DLC1: variants seen among roughly 807,000 people sequenced by gnomAD.
DLC1 encodes the protein rho GTPase-activating protein 7.
In DLC1, 54 loss-of-function variants were observed where a neutral mutation model predicts 140.3. The observed-to-expected ratio is 0.38, with a 90% CI of 0.31 to 0.48. DLC1 has a LOEUF of 0.48. Among genes scored for constraint, DLC1 ranks in the 20% least tolerant of loss-of-function variants. The pLI, the probability that DLC1 is intolerant of heterozygous loss-of-function variation, is 0.96. For synonymous variants in DLC1, 986 were observed against 728.1 expected (o/e 1.35, Z -5.70); for missense variants, 2,536 against 1,907.0 (o/e 1.33, Z -6.14).
intron 6 of DLC1, among the ~76,000 whole-genome samples, chr8:13,113,250 A>T (rs1406566055): frequency 1.3e-5 from 2 of 152,230 alleles, no homozygotes; most frequent in Non-Finnish European, 2.9e-5. Context: ...CAGGAAGTAT[A>T]AATTGCCAAG....
chr8:13,164,968 T>G (rs533483996), intron 5 of DLC1, among the ~76,000 whole-genome samples: 1 of 152,308 alleles, frequency 6.6e-6, no homozygotes, highest in East Asian at 1.9e-4. Flanking sequence ...TGAAGTACCT[T>G]TGTAGCCCCG....
At chr8:13,225,969 G>C (rs1457657790) in intron 5 of DLC1, among the ~76,000 whole-genome samples, 1 of 152,102 alleles carries the variant, frequency 6.6e-6, no homozygotes. Context: ...CTGGACTGCA[G>C]TGGTGCAATC....
chr8:13,376,907 C>A (rs1263089059), intron 4 of DLC1, among the ~76,000 whole-genome samples: 1 of 151,988 alleles, frequency 6.6e-6, no homozygotes, highest in Non-Finnish European at 1.5e-5. Context: ...GATTTCATGG[C>A]TATATGGTAT....
At chr8:13,176,986 G>A (rs887221280) in intron 5 of DLC1, among the ~76,000 whole-genome samples, 1 of 152,162 alleles carries the variant, frequency 6.6e-6, no homozygotes, top group Non-Finnish European at 1.5e-5. Context: ...CTCTCCTAGA[G>A]CCTCCAGGAA....
At chr8:13,404,172 T>A (rs1476222848) in intron 2 of DLC1, among the ~76,000 whole-genome samples, 1 of 152,084 alleles carries the variant, frequency 6.6e-6, no homozygotes, top group Non-Finnish European at 1.5e-5. Flanking sequence ...AAAGGCACTG[T>A]TTGGGGAGCA....
intron 5 of DLC1, among the ~76,000 whole-genome samples, chr8:13,128,597 C>T (rs185805817): frequency 6.6e-6 from 1 of 152,300 alleles, no homozygotes; most frequent in South Asian, 2.1e-4. Context: ...CTTTGGGAGG[C>T]CGAGGCGGGC....
chr8:13,523,539 T>C (rs1277353316), intron 1 of DLC1, among the ~76,000 whole-genome samples: 8 of 152,120 alleles, frequency 5.3e-5, no homozygotes, highest in African/African-American at 2.4e-5. Context: ...ACAAATACAT[T>C]TGGGAATCTC....
chr8:13,091,224 G>T (rs1563568958), intron 14 of DLC1, 94 bp downstream of exon 14: 7 of 1,167,266 alleles, frequency 6.0e-6, no homozygotes, highest in East Asian at 4.7e-5. Flanking sequence ...TGTGGAAAAG[G>T]TCTTCAGGTA....
intron 1 of DLC1, among the ~76,000 whole-genome samples, chr8:13,594,617 T>G (rs1563464356): frequency 6.6e-6 from 1 of 152,126 alleles, no homozygotes; most frequent in African/African-American, 2.4e-5. Context: ...CTTTTCCTCC[T>G]AAACTTCTTG....
At position 13,480,551 on chromosome 8, in the gene DLC1, T is replaced by A. The variant is rs1800682809; in HGVS notation, c.1023+18498A>T. Among the ~76,000 whole-genome samples, 3 of 152,304 alleles carry A rather than the reference T, an allele frequency of 2.0e-5. No homozygotes were observed. The East Asian group carries it at 5.8e-4, about 29-fold the overall frequency. ...CTATGGTCTTTGAATCTTTATCCTA[T>A]AGGTGAAGCACAGAATGATAATAGT... is the stretch of plus-strand genomic sequence containing the variant. On this transcript the variant is annotated intron_variant, in intron 2 of 17. Coordinates refer to ENST00000276297, the MANE Select transcript of DLC1 (RefSeq NM_182643.3).
At chr8:13,434,425 C>T (rs1174654259) in intron 2 of DLC1, among the ~76,000 whole-genome samples, 1 of 152,054 alleles carries the variant, frequency 6.6e-6, no homozygotes, top group Non-Finnish European at 1.5e-5. Flanking sequence ...TTAGTGTTTT[C>T]TTTGGAGCTG....
chr8:13,088,425 T>C, intron 16 of DLC1, 62 bp downstream of exon 16: 2 of 1,551,652 alleles, frequency 1.3e-6, no homozygotes, highest in Non-Finnish European at 1.8e-6. Context: ...ATCAGTGACA[T>C]ATAGGCTTGG....
chr8:13,351,863 T>A (rs1316270665), intron 4 of DLC1, among the ~76,000 whole-genome samples: 6 of 150,744 alleles, frequency 4.0e-5, no homozygotes, highest in South Asian at 2.1e-4. Context: ...TTGATTTTTT[T>A]AAATGAAATT....
chr8:13,349,220 A>G (rs1487882754), intron 4 of DLC1, among the ~76,000 whole-genome samples: 2 of 152,182 alleles, frequency 1.3e-5, no homozygotes, highest in African/African-American at 4.8e-5. Context: ...TTGTTGCACG[A>G]GTCCCTAGGA....
In DLC1 at chr8:13,120,356, A is replaced by AAAT; in HGVS notation, c.1349-4700_1349-4699insATT. Among the ~76,000 whole-genome samples the AAAT allele has an allele frequency of 2.0e-4, 12 of 61,124 alleles. 1 individual carries two copies. Among genetic ancestry groups the AAAT allele is most frequent in the Admixed American group, 5.3e-4 (2 of 3,764 alleles). 40.1% of individuals were successfully genotyped at this position (61,124 alleles called of 152,430 possible). A position where few individuals can be genotyped will look rare whatever the true frequency, so the allele number is the denominator to read the frequency against. ...AGACTCCGTCGCAAAAAAAAAAAAAAATATATATATATATAAAATGTATAT... is the reference window on the plus strand; with the variant it reads ...AGACTCCGTCGCAAAAAAAAAAAAAAAATATATATATATATATAAAATGTATAT... On this transcript the variant is annotated intron_variant, in intron 5 of 17. Coordinates refer to ENST00000276297, the MANE Select transcript of DLC1 (RefSeq NM_182643.3).
intron 5 of DLC1, among the ~76,000 whole-genome samples, chr8:13,292,232 A>G (rs988215228): frequency 6.6e-6 from 1 of 152,040 alleles, no homozygotes; most frequent in Non-Finnish European, 1.5e-5. Context: ...ATGTGTCTCC[A>G]CCCCACAGTC....
intron 1 of DLC1, among the ~76,000 whole-genome samples, chr8:13,576,607 C>T (rs962504353): frequency 3.9e-5 from 6 of 152,174 alleles, no homozygotes; most frequent in Non-Finnish European, 8.8e-5. Context: ...TCAGCTTACC[C>T]AATAATTTTC....
intron 5 of DLC1, among the ~76,000 whole-genome samples, chr8:13,255,201 C>T (rs1586013357): frequency 1.3e-5 from 2 of 152,092 alleles, no homozygotes; most frequent in South Asian, 4.1e-4. Flanking sequence ...GAACTCCTGA[C>T]CTCAAGTGAT....
rs538480249 is a variant in DLC1 at position 13,437,403 on chromosome 8, C to T, written c.1024-35784G>A. Among the ~76,000 whole-genome samples the T allele has an allele frequency of 3.9e-5, 6 of 152,258 alleles. No homozygotes were observed. The East Asian group carries it at 7.7e-4, about 20-fold the overall frequency. On this transcript the variant is annotated intron_variant, in intron 2 of 17. Transcript: ENST00000276297. The stretch of plus-strand genomic sequence containing the variant: ...ACACTGTAGTCAATTGAGCATCTTT[C>T]GAAAGTCAAAATATGTCTTTTATTT...
Sources: gnomAD v4.1 joint callset for allele counts (sites outside exome capture counted in the v4.1 genomes callset) on GRCh38, gnomAD v4.1.1 for gene constraint, MANE v1.5 for transcripts, NCBI Gene and HGNC (gene_info 2026-07-23, HGNC 2026-07-21) for gene names.